GALC: variants seen among roughly 807,000 people sequenced by gnomAD.
GALC encodes galactocerebrosidase.
Under a neutral mutation model 91.8 loss-of-function variants are expected in GALC, and 77 were observed. The ratio of observed to expected loss-of-function variants is 0.84; its 90% CI spans 0.70 to 1.01. The LOEUF is 1.01. Among genes scored for constraint, GALC ranks in the 50% least tolerant of loss-of-function variants. GALC has a pLI of 0.00. For synonymous variants in GALC, 357 were observed against 306.7 expected, an observed-to-expected ratio of 1.16 and a Z score of -1.71; for missense variants, 882 against 855.9, an observed-to-expected ratio of 1.03 and a Z score of -0.38.
chr14:87,982,333 C>A, intron 5 of GALC, 90 bp from the exon 6 acceptor site: 1 of 863,918 alleles, frequency 1.2e-6, no homozygotes, highest in Non-Finnish European at 2.0e-6. Context: ...CTCTCATCAT[C>A]TTTCATATTA....
intron 10 of GALC, among the ~76,000 whole-genome samples, chr14:87,951,124 G>A (rs867950228): frequency 7.3e-5 from 11 of 151,422 alleles, no homozygotes; most frequent in South Asian, 2.1e-4. Flanking sequence ...TATAACTTTC[G>A]TTCTCATGTA....
chr14:87,936,896 C>CCATATATA (rs1555378200), intron 16 of GALC, among the ~76,000 whole-genome samples: 4 of 3,530 alleles, frequency 1.1e-3, no homozygotes, highest in African/African-American at 1.4e-3. Context: ...ATATCAGGTA[C>CCATATATA]TATATATATA....
chr14:87,987,900 T>C (rs1347926144), intron 3 of GALC: 1 of 500,872 alleles, frequency 2.0e-6, no homozygotes, highest in African/African-American at 1.9e-5. Context: ...TGTGGATTTG[T>C]TTACTACCGA....
intron 7 of GALC, among the ~76,000 whole-genome samples, chr14:87,975,387 G>GATA (rs112351994): frequency 0.11 from 17,137 of 151,962 alleles, 1,129 homozygotes; most frequent in Non-Finnish European, 0.16. Context: ...AAAACTATAA[G>GATA]ATAATAATGG....
At chr14:87,976,771 C>A (rs1054054548) in intron 6 of GALC, 2 of 368,228 alleles carry the variant, frequency 5.4e-6, no homozygotes. Context: ...CGCGCCACCA[C>A]GCCTGGCTAA....
At chr14:87,946,278 TCTTCTA>T (rs1885068654) in intron 13 of GALC, among the ~76,000 whole-genome samples, 1 of 152,100 alleles carries the variant, frequency 6.6e-6, no homozygotes, top group Non-Finnish European at 1.5e-5. Context: ...TTACAAATTT[TCTTCTA>T]CTTCTAAACT....
chr14:87,990,216 C>A (rs779634389), intron 1 of GALC, among the ~76,000 whole-genome samples: 1 of 152,118 alleles, frequency 6.6e-6, no homozygotes, highest in East Asian at 1.9e-4. Context: ...AGTTTGTATC[C>A]TCATTCTTTG....
intron 16 of GALC, among the ~76,000 whole-genome samples, chr14:87,935,254 T>G (rs924880118): frequency 6.6e-6 from 1 of 152,122 alleles, no homozygotes; most frequent in African/African-American, 2.4e-5. Context: ...GTGGTGTGGC[T>G]AACAGCCACC....
At chr14:87,992,783 A>G (rs1887261972) in intron 1 of GALC, 187 bp downstream of exon 1, 2 of 1,411,158 alleles carry the variant, frequency 1.4e-6, no homozygotes. Context: ...TTCGTGTTAA[A>G]CGAGAAAGCA....
At chr14:87,993,512 C>T (rs1217665661), upstream of GALC, 2 of 1,523,210 alleles carry the variant, frequency 1.3e-6, no homozygotes, top group Non-Finnish European at 8.8e-7. Flanking sequence ...CAGGGAGTAT[C>T]TACCTCGTGC....
Position 87,934,141 on chromosome 14 carries a change from C to T in GALC, c.*591G>A, listed in dbSNP as rs886050863. On this transcript the variant is annotated 3_prime_UTR_variant, in exon 17 of 17. Transcript: ENST00000261304. ...TGTTAGAGGTAGTTTATTAAAGAGG[C>T]ATTTTTAAAATCATCCCACTCATCA... The T allele has an allele frequency of 3.5e-6, 5 of 1,422,756 alleles. No homozygotes were observed. Among genetic ancestry groups the T allele is most frequent in the South Asian group, 1.6e-5 (1 of 63,664 alleles). 88.1% of individuals were successfully genotyped at this position (1,422,756 alleles called of 1,614,324 possible).
intron 2 of GALC, 71 bp from the exon 3 acceptor site, chr14:87,988,278 G>A (rs1887055969): frequency 1.4e-6 from 2 of 1,422,958 alleles, no homozygotes; most frequent in Non-Finnish European, 2.0e-6. Context: ...ACTAATTACT[G>A]CCTTAGGTTT....
chr14:87,980,563 C>A, intron 6 of GALC: 3 of 828,528 alleles, frequency 3.6e-6, no homozygotes, highest in Non-Finnish European at 4.4e-6. Flanking sequence ...GTGGAGAGTT[C>A]CTATCCATCC....
intron 10 of GALC, among the ~76,000 whole-genome samples, chr14:87,959,351 A>G (rs1203589280): frequency 1.3e-5 from 2 of 152,222 alleles, no homozygotes; most frequent in African/African-American, 2.4e-5. Flanking sequence ...GGAAAAAAAG[A>G]AATACTTACT....
chr14:87,975,030 TAAC>T (rs1431926593), intron 7 of GALC, among the ~76,000 whole-genome samples: 2 of 152,086 alleles, frequency 1.3e-5, no homozygotes, highest in Non-Finnish European at 2.9e-5. Flanking sequence ...ATGAAAGCTT[TAAC>T]AACAGCAAAA....
chr14:87,956,907 C>T (rs143178764), intron 10 of GALC, among the ~76,000 whole-genome samples: 1 of 151,734 alleles, frequency 6.6e-6, no homozygotes, highest in Admixed American at 6.6e-5. Flanking sequence ...TCTCTTTTCA[C>T]CACATGTATG....
intron 12 of GALC, among the ~76,000 whole-genome samples, chr14:87,948,303 C>G (rs1319704669): frequency 6.6e-6 from 1 of 151,918 alleles, no homozygotes; most frequent in Non-Finnish European, 1.5e-5. Flanking sequence ...CACAGAAATC[C>G]TTTTACAATT....
intron 10 of GALC, chr14:87,955,080 T>C: frequency 1.5e-6 from 2 of 1,340,098 alleles, no homozygotes; most frequent in Non-Finnish European, 1.1e-6. Context: ...GCGCAGAACC[T>C]TGTGTATCAA....
intron 16 of GALC, among the ~76,000 whole-genome samples, chr14:87,937,082 T>C (rs368159): frequency 0.49 from 74,287 of 150,914 alleles, 18,964 homozygotes; most frequent in African/African-American, 0.6. Flanking sequence ...ACCTGACAAG[T>C]GCTGAGAAGA....
Sources: gnomAD v4.1 joint callset for allele counts (sites outside exome capture counted in the v4.1 genomes callset) on GRCh38, gnomAD v4.1.1 for gene constraint, MANE v1.5 for transcripts, NCBI Gene and HGNC (gene_info 2026-07-23, HGNC 2026-07-21) for gene names.